The following FOCAD variants were observed in gnomAD, a reference collection of about 807,000 sequenced individuals.
FOCAD encodes focadhesin.
In FOCAD, 198 loss-of-function variants were observed where a neutral mutation model predicts 225.6. The observed-to-expected ratio is 0.88, with a 90% confidence interval of 0.78 to 0.99. FOCAD has a LOEUF of 0.99. Ranked by LOEUF, FOCAD falls within the 50% of genes least tolerant of loss-of-function variation. The pLI is 0.00. For synonymous variants in FOCAD, 897 were observed against 755.0 expected (o/e 1.19, Z -3.08); for missense variants, 2,713 against 2,123.6 (o/e 1.28, Z -5.46).
rs528691544 is a variant in FOCAD at position 20,971,073 on chromosome 9, T to A, written c.4133-5347T>A. Among the ~76,000 whole-genome samples the A allele has an allele frequency of 2.1e-4, 32 of 152,304 alleles. 2 individuals are homozygous for A. The South Asian group carries it at 6.4e-3, about 31-fold the overall frequency. On this transcript the variant is annotated intron_variant, in intron 35 of 43. Transcript: ENST00000338382. ...ACTTCTCAAAATTGTAAAGTTTGTC[T>A]GTCTTCTTTCTCTCTGAAGGCTCTG...
At chr9:20,759,871 A>G (rs551595198) in intron 6 of FOCAD, among the ~76,000 whole-genome samples, 1 of 152,356 alleles carries the variant, frequency 6.6e-6, no homozygotes, top group Admixed American at 6.5e-5. Context: ...ACACTGGCTA[A>G]TGAGTTAGTC....
chr9:20,968,011 G>C (rs1383458758), intron 35 of FOCAD, among the ~76,000 whole-genome samples: 1 of 151,966 alleles, frequency 6.6e-6, no homozygotes, highest in African/African-American at 2.4e-5. Context: ...CCTATTTTTT[G>C]AAAGAAATTG....
intron 15 of FOCAD, among the ~76,000 whole-genome samples, chr9:20,837,138 C>T (rs75662048): frequency 4.3e-4 from 66 of 152,158 alleles, no homozygotes; most frequent in African/African-American, 1.2e-3. Flanking sequence ...CCATTGCCCC[C>T]GTGCTTTATT....
intron 39 of FOCAD, among the ~76,000 whole-genome samples, chr9:20,985,824 T>A (rs1841102046): frequency 6.6e-6 from 1 of 152,214 alleles, no homozygotes; most frequent in South Asian, 2.1e-4. Context: ...GTCAGTACAA[T>A]ATACAATGAA....
chr9:20,971,352 T>A (rs1839744730), intron 35 of FOCAD, among the ~76,000 whole-genome samples: 1 of 152,204 alleles, frequency 6.6e-6, no homozygotes, highest in Non-Finnish European at 1.5e-5. Flanking sequence ...CCAATTATGC[T>A]GCTATTTCTG....
At chr9:20,935,357 G>T (rs190665335) in intron 28 of FOCAD, among the ~76,000 whole-genome samples, 4 of 152,144 alleles carry the variant, frequency 2.6e-5, no homozygotes, top group Admixed American at 2.6e-4. Context: ...CACATGTATG[G>T]GGACATGGAT....
chr9:20,990,485 T>C, intron 42 of FOCAD, 111 bp downstream of exon 42: 1 of 1,314,554 alleles, frequency 7.6e-7, no homozygotes, highest in Non-Finnish European at 1.0e-6. Flanking sequence ...CACCACAGAC[T>C]TTCCTACCCA....
chr9:20,712,522 AG>A (rs1824941496), intron 1 of FOCAD, among the ~76,000 whole-genome samples: 1 of 63,426 alleles, frequency 1.6e-5, no homozygotes, highest in Admixed American at 1.6e-4. Context: ...AGCTGAGCCC[AG>A]TGGTGGTGGG....
At position 20,715,241 on chromosome 9, in the gene FOCAD, C is replaced by T. The variant is rs569775253; in HGVS notation, c.-32-81C>T. The stretch of plus-strand genomic sequence containing the variant: ...TTATCTTTGGAATGGATTACATTCA[C>T]ATTATTTGAGGAATAATTAATTGGA... On this transcript the variant is annotated intron_variant, in intron 1 of 43. Coordinates refer to ENST00000338382, the MANE Select transcript of FOCAD (RefSeq NM_001375567.1). The T allele has an allele frequency of 2.0e-5, 11 of 543,552 alleles. No homozygotes were observed. In the South Asian group the frequency reaches 4.5e-4, roughly 22 times the overall value. 33.7% of individuals were successfully genotyped at this position (543,552 alleles called of 1,614,324 possible).
intron 28 of FOCAD, among the ~76,000 whole-genome samples, chr9:20,936,208 T>C (rs1349207256): frequency 6.6e-6 from 1 of 152,204 alleles, no homozygotes; most frequent in African/African-American, 2.4e-5. Flanking sequence ...ACTTCCAGTT[T>C]ATTGACTCAT....
At chr9:20,711,585 C>T (rs1205633962) in intron 1 of FOCAD, among the ~76,000 whole-genome samples, 1 of 152,092 alleles carries the variant, frequency 6.6e-6, no homozygotes, top group African/African-American at 2.4e-5. Flanking sequence ...GGAATAGTAA[C>T]CTCTGAGGTG....
chr9:20,776,611 C>A (rs561377201), intron 8 of FOCAD, among the ~76,000 whole-genome samples: 75 of 152,324 alleles, frequency 4.9e-4, no homozygotes, highest in African/African-American at 1.7e-3. Flanking sequence ...GCCAGTCTCA[C>A]CCTTCCTGGA....
At chr9:20,961,776 C>T (rs917189142) in intron 35 of FOCAD, among the ~76,000 whole-genome samples, 2 of 152,166 alleles carry the variant, frequency 1.3e-5, no homozygotes, top group South Asian at 2.1e-4. Flanking sequence ...TGCTGGACCA[C>T]GGTCCTAAAC....
intron 5 of FOCAD, among the ~76,000 whole-genome samples, chr9:20,742,688 T>G (rs883600): frequency 0.17 from 26,414 of 152,218 alleles, 2,755 homozygotes; most frequent in Non-Finnish European, 0.23. Flanking sequence ...TTAATCCTGA[T>G]TGTCTTCACC....
intron 17 of FOCAD, 57 bp from the exon 18 acceptor site, chr9:20,866,871 GT>G: frequency 5.5e-6 from 4 of 728,972 alleles, no homozygotes; most frequent in Admixed American, 5.0e-5. Flanking sequence ...TGCATGTTGT[GT>G]TTTTTTGTTT....
chr9:20,864,201 A>G lies in FOCAD; in HGVS notation c.2055+1489A>G, dbSNP rs567171507. On this transcript the variant is annotated intron_variant, in intron 16 of 43. Coordinates refer to ENST00000338382, the MANE Select transcript of FOCAD (RefSeq NM_001375567.1). ...TTTTAACTACTTAGAATTTGTCTGG[A>G]TGTGAGCCAAAGTTGAATTTAATTT... 3.3e-5 allele frequency among the ~76,000 whole-genome samples: 5 copies of G among 152,176 alleles called. No individual in the cohort carries two copies. In the East Asian group the frequency reaches 9.6e-4, roughly 29 times the overall value.
At chr9:20,934,548 G>T (rs1174682537) in intron 28 of FOCAD, among the ~76,000 whole-genome samples, 7 of 151,144 alleles carry the variant, frequency 4.6e-5, no homozygotes, top group African/African-American at 1.7e-4. Flanking sequence ...AAGATCCGTT[G>T]GCTGTATTTG....
At chr9:20,659,848 T>C (rs1334496570) in intron 2 of FOCAD, among the ~76,000 whole-genome samples, 2 of 152,100 alleles carry the variant, frequency 1.3e-5, no homozygotes. Flanking sequence ...AGGCAAGAGA[T>C]GGGAAGGGCT....
At chr9:20,799,191 A>T (rs546190330) in intron 11 of FOCAD, among the ~76,000 whole-genome samples, 26 of 152,208 alleles carry the variant, frequency 1.7e-4, no homozygotes, top group African/African-American at 5.5e-4. Flanking sequence ...TTCCAGTTTG[A>T]TTGCACTGTG....
Sources: allele counts gnomAD v4.1 joint callset (sites outside exome capture counted in the v4.1 genomes callset), GRCh38; gene constraint gnomAD v4.1.1; transcripts MANE v1.5; gene names NCBI Gene and HGNC (gene_info 2026-07-23, HGNC 2026-07-21).